POLA1: variants seen among roughly 807,000 people sequenced by gnomAD.
POLA1 encodes DNA polymerase alpha 1, catalytic subunit.
Under a neutral mutation model 124.0 loss-of-function variants are expected in POLA1, and 15 were observed. The ratio of observed to expected loss-of-function variants is 0.12; its 90% CI spans 0.08 to 0.19. The LOEUF is 0.19. POLA1 is among the 10% of genes least tolerant of loss of function. The pLI is 1.00. For missense variants in POLA1, 886 were observed against 1,103.4 expected (o/e 0.80, Z 2.79); for synonymous variants, 408 against 389.4 (o/e 1.05, Z -0.56).
intron 26 of POLA1, among the ~76,000 whole-genome samples, chrX:24,796,655 T>C (rs1250937724): frequency 3.6e-5 from 4 of 111,628 alleles, no homozygotes; most frequent in Non-Finnish European, 5.7e-5. Context: ...AGTTCTGTTA[T>C]TGTCTGCATG....
Position 24,699,531 on chromosome X carries a change from T to C in POLA1, c.150T>C (p.Gly50=), listed in dbSNP as rs1333051792. 8 of 1,172,068 alleles carry C rather than the reference T, an allele frequency of 6.8e-6. No homozygotes were observed. The South Asian group carries it at 1.0e-4, about 15-fold the overall frequency. The stretch of plus-strand genomic sequence containing the variant: ...AAAGACTGAAAAAGGCTAAAGCTGG[T>C]GAGAAGTATAAATATGAAGTAAGTA... ...ALERLKKAKA[G]EKYKYEVEDF... is the part of the protein sequence containing the mutation. Residue 50 remains glycine (G), a synonymous_variant, in exon 2 of 37, where the codon GGT becomes GGC. Transcript: ENST00000379068.
At chrX:24,896,463 G>T (rs1280200353) in intron 35 of POLA1, among the ~76,000 whole-genome samples, 1 of 109,016 alleles carries the variant, frequency 9.2e-6, no homozygotes, top group African/African-American at 3.5e-5. Flanking sequence ...TTGGTTTTTG[G>T]GTTTTTGTTT....
rs191603397 is a variant in POLA1 at position 24,933,343 on chromosome X, A to G, written c.4261+2794A>G. Among the ~76,000 whole-genome samples the G allele has an allele frequency of 1.6e-4, 18 of 112,183 alleles. No individual in the cohort carries two copies. In the Admixed American group the frequency reaches 1.6e-3, roughly 10 times the overall value. On this transcript the variant is annotated intron_variant, in intron 36 of 36. Coordinates refer to ENST00000379068, the MANE Select transcript of POLA1 (RefSeq NM_001330360.2). ...CTTCTCACTTTATAAGTTGGAGTGA[A>G]TTCTCTTTTGATTTGCTATTCAAGG...
intron 15 of POLA1, among the ~76,000 whole-genome samples, chrX:24,730,472 C>A (rs903432732): frequency 3.6e-5 from 4 of 111,310 alleles, no homozygotes; most frequent in African/African-American, 1.3e-4. Flanking sequence ...TCCCAAACTC[C>A]TGACCTTAAG....
At chrX:24,885,488 A>G (rs188766526) in intron 34 of POLA1, among the ~76,000 whole-genome samples, 1 of 111,793 alleles carries the variant, frequency 8.9e-6, no homozygotes, top group African/African-American at 3.2e-5. Flanking sequence ...TCCCATGCCT[A>G]GAACAGACTA....
At chrX:24,829,901 G>A (rs2046236739) in intron 32 of POLA1, among the ~76,000 whole-genome samples, 1 of 112,264 alleles carries the variant, frequency 8.9e-6, no homozygotes, top group South Asian at 3.7e-4. Flanking sequence ...CTAGTGAACT[G>A]ACACCGTTAA....
intron 26 of POLA1, among the ~76,000 whole-genome samples, chrX:24,800,249 C>T (rs1443412600): frequency 9.0e-6 from 1 of 111,705 alleles, no homozygotes; most frequent in Non-Finnish European, 1.9e-5. Flanking sequence ...ATTGGAGCAT[C>T]CTCAATGGTA....
intron 35 of POLA1, among the ~76,000 whole-genome samples, chrX:24,901,810 A>G (rs1195544985): frequency 1.8e-5 from 2 of 111,690 alleles, no homozygotes; most frequent in Admixed American, 9.5e-5. Context: ...CTGATTCTCA[A>G]TTGAATTCTA....
At chrX:24,820,178 G>A (rs1284036771) in intron 30 of POLA1, among the ~76,000 whole-genome samples, 3 of 111,808 alleles carry the variant, frequency 2.7e-5, no homozygotes, top group African/African-American at 9.8e-5. Flanking sequence ...TGGTGGTGAA[G>A]AATACAGTGA....
In POLA1 at chrX:24,840,089, G is replaced by A. The variant is rs2046391076; in HGVS notation, c.3737-1563G>A. 2.7e-5 allele frequency among the ~76,000 whole-genome samples: 3 copies of A among 112,211 alleles called. No homozygotes were observed. In the Admixed American group the frequency reaches 2.8e-4, roughly 11 times the overall value. The stretch of plus-strand genomic sequence containing the variant: ...AGTGGCCCATGTTAACATAATTTAT[G>A]TCACTAATGAAGAACAGCTTTTCAA... On this transcript the variant is annotated intron_variant, in intron 32 of 36. Transcript: ENST00000379068.
chrX:24,972,773 A>G lies in POLA1; in HGVS notation c.4262-23032A>G, dbSNP rs775247196. On this transcript the variant is annotated intron_variant, in intron 36 of 36. Coordinates refer to ENST00000379068, the MANE Select transcript of POLA1 (RefSeq NM_001330360.2). The stretch of plus-strand genomic sequence containing the variant: ...ATCCCTTGCTACTTGAGCTCTGACA[A>G]GATGAGAGAGTTTTTCAAATAACCT... 4.6e-4 allele frequency among the ~76,000 whole-genome samples: 52 copies of G among 112,392 alleles called. 1 individual carries two copies. Among genetic ancestry groups the G allele is most frequent in the Non-Finnish European group, 9.4e-4 (50 of 53,313 alleles).
intron 34 of POLA1, 37 bp from the exon 35 acceptor site, chrX:24,887,969 C>T (rs375245222): frequency 1.1e-5 from 9 of 833,057 alleles, no homozygotes; most frequent in African/African-American, 8.1e-5. Flanking sequence ...TTGTATTTGT[C>T]GATGGTGATA....
rs1486707715 is a variant in POLA1 at position 24,743,216 on chromosome X, C to A, written c.2467-14C>A. The A allele has an allele frequency of 7.0e-6, 6 of 861,494 alleles. No homozygotes were observed. The highest frequency in any genetic ancestry group is 1.0e-5 in the Non-Finnish European group (6 of 599,277). The allele number at this position is 861,494 out of a possible 1,213,427, so 71.0% of individuals were successfully genotyped here. ...GTTGCTGGCTGGTGAAGTTATCTTT[C>A]CATTTGATATTAGGGAGATGAAGAT... On this transcript the variant is annotated splice_polypyrimidine_tract_variant and intron_variant, in intron 22 of 36. Coordinates refer to ENST00000379068, the MANE Select transcript of POLA1 (RefSeq NM_001330360.2).
chrX:24,912,594 CAT>C (rs1466227720), intron 35 of POLA1, among the ~76,000 whole-genome samples: 1 of 111,102 alleles, frequency 9.0e-6, no homozygotes, highest in Non-Finnish European at 1.9e-5. Context: ...GGATGACAAA[CAT>C]GTGAAAAGAT....
intron 34 of POLA1, among the ~76,000 whole-genome samples, chrX:24,875,085 A>G (rs1210859172): frequency 9.0e-6 from 1 of 111,278 alleles, no homozygotes; most frequent in Non-Finnish European, 1.9e-5. Flanking sequence ...CTAAACAAAT[A>G]TATGTCAAGC....
At chrX:24,956,726 T>G (rs2048110853) in intron 36 of POLA1, among the ~76,000 whole-genome samples, 2 of 112,351 alleles carry the variant, frequency 1.8e-5, no homozygotes, top group South Asian at 7.4e-4. Flanking sequence ...AATAGAATTT[T>G]GGCAATCATT....
chrX:24,864,360 T>G (rs2046762468), intron 34 of POLA1, among the ~76,000 whole-genome samples: 1 of 112,213 alleles, frequency 8.9e-6, no homozygotes, highest in Non-Finnish European at 1.9e-5. Context: ...TTTGAGCAAA[T>G]TTTTTACCTT....
At chrX:24,921,741 A>T (rs1312030414) in intron 35 of POLA1, among the ~76,000 whole-genome samples, 1 of 111,819 alleles carries the variant, frequency 8.9e-6, no homozygotes, top group African/African-American at 3.3e-5. Context: ...TTAAAAGGTT[A>T]AGTTTTCATC....
intron 26 of POLA1, among the ~76,000 whole-genome samples, chrX:24,768,808 A>G (rs375789704): frequency 1.8e-5 from 2 of 111,774 alleles, no homozygotes; most frequent in African/African-American, 3.3e-5. Flanking sequence ...TTAAGCTCCT[A>G]AAGTGTTTGT....
Sources: gnomAD v4.1 joint callset for allele counts (sites outside exome capture counted in the v4.1 genomes callset) on GRCh38, gnomAD v4.1.1 for gene constraint, MANE v1.5 for transcripts, NCBI Gene and HGNC (gene_info 2026-07-23, HGNC 2026-07-21) for gene names.